The following FSIP2 variants were observed in gnomAD, a reference collection of about 807,000 sequenced individuals.
The protein encoded by FSIP2 is fibrous sheath interacting protein 2.
Under a neutral mutation model 510.5 loss-of-function variants are expected in FSIP2, and 367 were observed. The ratio of observed to expected loss-of-function variants is 0.72; its 90% CI spans 0.66 to 0.78. FSIP2 has a LOEUF of 0.78. FSIP2 is among the 30% of genes least tolerant of loss of function. The pLI is 0.00. For synonymous variants in FSIP2, 2,601 were observed against 2,732.2 expected (o/e 0.95, Z 1.50); for missense variants, 7,594 against 7,901.7 (o/e 0.96, Z 1.48).
chr2:185,832,991 C>A, intron 22 of FSIP2, 99 bp from the exon 23 acceptor site: 1 of 967,050 alleles, frequency 1.0e-6, no homozygotes, highest in Non-Finnish European at 1.6e-6. Context: ...GACCCTATTA[C>A]CAGCTGGGCC....
intron 13 of FSIP2, among the ~76,000 whole-genome samples, chr2:185,770,821 T>C (rs554911138): frequency 6.6e-6 from 1 of 152,318 alleles, no homozygotes; most frequent in African/African-American, 2.4e-5. Context: ...TGAGACTTAA[T>C]GTATATTGCC....
chr2:185,746,190 G>T (rs1692029023), intron 5 of FSIP2, among the ~76,000 whole-genome samples: 1 of 151,952 alleles, frequency 6.6e-6, no homozygotes. Flanking sequence ...ACATATTGAT[G>T]TACCAGAGAT....
chr2:185,739,113 C>T (rs1691865279), intron 1 of FSIP2, 120 bp downstream of exon 1: 21 of 1,327,048 alleles, frequency 1.6e-5, no homozygotes, highest in Non-Finnish European at 2.0e-5. Context: ...CAGGAGGCTG[C>T]CCTCTTGCGG....
intron 8 of FSIP2, among the ~76,000 whole-genome samples, chr2:185,754,214 A>T (rs1399890321): frequency 6.6e-6 from 1 of 151,430 alleles, no homozygotes; most frequent in Non-Finnish European, 1.5e-5. Context: ...AGAATTAGGA[A>T]AAAAAAGAAG....
rs1384827584 is a variant in FSIP2, at chr2:185,796,427, A to G, written c.9291A>G (p.Leu3097=). ...SDMLAVIKNK[L]DNEISQMEPS... ...TGCTTGCTGTAATTAAGAACAAGCT[A>G]GACAACGAAATAAGCCAAATGGAAC... The change falls in exon 16 of 23, where the codon CTA becomes CTG. Residue 3097 remains leucine (L), a synonymous_variant. Transcript: ENST00000424728. 1.3e-6 allele frequency: 2 copies of G among 1,534,628 alleles called. No individual in the cohort carries two copies. Among genetic ancestry groups the G allele is most frequent in the Non-Finnish European group, 1.7e-6 (2 of 1,145,994 alleles).
At position 185,802,259 on chromosome 2, in the gene FSIP2, C is replaced by T; in HGVS notation, c.12953C>T (p.Ser4318Leu). Residue 4318 changes from serine to leucine, a missense_variant, in exon 17 of 23, where the codon TCA (serine) becomes TTA (leucine). Transcript: ENST00000424728. ...FVREIVARLL[S>L]KIFSPKHNTE... is the part of the protein sequence containing the mutation. ...AGGGAGATTGTTGCCAGACTTTTGT[C>T]AAAGATTTTCAGCCCAAAGCATAAC... 6.5e-7 allele frequency: 1 copy of T among 1,533,646 alleles called. No individual in the cohort carries two copies. Among genetic ancestry groups the T allele is most frequent in the Non-Finnish European group, 8.7e-7 (1 of 1,145,256 alleles).
intron 7 of FSIP2, among the ~76,000 whole-genome samples, chr2:185,752,329 G>A (rs1692165335): frequency 1.3e-5 from 2 of 150,282 alleles, no homozygotes; most frequent in Non-Finnish European, 3.0e-5. Flanking sequence ...TATGTAACAT[G>A]ATTTGTTTTT....
chr2:185,761,821 A>G (rs1334640501), intron 10 of FSIP2, 151 bp from the exon 11 acceptor site: 1 of 464,978 alleles, frequency 2.2e-6, no homozygotes, highest in Admixed American at 3.7e-5. Context: ...TAGGAGGTTG[A>G]TGATATGTAT....
At chr2:185,759,151 C>G (rs1208537549) in intron 9 of FSIP2, among the ~76,000 whole-genome samples, 1 of 150,848 alleles carries the variant, frequency 6.6e-6, no homozygotes, top group East Asian at 1.9e-4. Context: ...AGGATATCAG[C>G]TCTAGATATT....
At chr2:185,765,479 C>A (rs1692451559) in intron 13 of FSIP2, 1 of 151,788 alleles carries the variant, frequency 6.6e-6, no homozygotes, top group South Asian at 2.1e-4. Context: ...TTTCTGAGGG[C>A]TCTGTTCTGT....
intron 4 of FSIP2, chr2:185,745,170 G>T (rs907341900): frequency 5.8e-5 from 14 of 242,590 alleles, no homozygotes; most frequent in Non-Finnish European, 1.1e-4. Flanking sequence ...TCTGTGCCCA[G>T]TGTTTCTTCT....
rs577907183 is a variant in FSIP2, at chr2:185,805,153, G to A, written c.15847G>A (p.Asp5283Asn). 1.4e-4 allele frequency: 222 copies of A among 1,609,774 alleles called. 1 individual carries two copies. The South Asian group carries it at 2.4e-3, about 17-fold the overall frequency. ...SATFLEDIIIDLVHKFCSLLI... is the reference protein window; with the variant it reads ...SATFLEDIIINLVHKFCSLLI... ...TACATTTTTGGAAGACATAATCATTGACCTTGTTCACAAATTTTGTTCTCT... is the reference window on the plus strand; with the variant it reads ...TACATTTTTGGAAGACATAATCATTAACCTTGTTCACAAATTTTGTTCTCT... Residue 5283 changes from aspartate (D) to asparagine (N), a missense_variant, in exon 17 of 23, where the codon GAC becomes AAC. Coordinates refer to ENST00000424728, the MANE Select transcript of FSIP2 (RefSeq NM_173651.4).
chr2:185,768,797 C>T (rs765097181), intron 13 of FSIP2, among the ~76,000 whole-genome samples: 5 of 152,060 alleles, frequency 3.3e-5, no homozygotes, highest in East Asian at 3.9e-4. Flanking sequence ...AACCCTCTAC[C>T]ACAGTGTGGC....
At chr2:185,831,979 C>T in intron 22 of FSIP2, 97 bp downstream of exon 22, 1 of 731,368 alleles carries the variant, frequency 1.4e-6, no homozygotes. Context: ...AAATGAGTGG[C>T]TCTCCCCTTG....
intron 16 of FSIP2, among the ~76,000 whole-genome samples, chr2:185,798,416 T>C (rs1693350451): frequency 6.6e-6 from 1 of 151,936 alleles, no homozygotes; most frequent in South Asian, 2.1e-4. Context: ...CATGTGTATA[T>C]ATTAGGTGAA....
rs79541984 is a variant in FSIP2 at position 185,827,421 on chromosome 2, A to G, written c.20474-735A>G. On this transcript the variant is annotated intron_variant, in intron 20 of 22. Transcript: ENST00000424728. Reference sequence around the variant, plus strand: ...GTCTCATTCCTATACTATGCATGAGAAAACAGAGTCAGAGAAGTTAGATGT... The same window carrying G: ...GTCTCATTCCTATACTATGCATGAGGAAACAGAGTCAGAGAAGTTAGATGT... Among the ~76,000 whole-genome samples, 8 of 151,958 alleles carry G rather than the reference A, an allele frequency of 5.3e-5. No individual in the cohort carries two copies. The East Asian group carries it at 1.6e-3, about 30-fold the overall frequency.
chr2:185,813,595 G>C lies in FSIP2; in HGVS notation c.19878G>C (p.Lys6626Asn). The change falls in exon 18 of 23, where the codon AAG becomes AAC. Residue 6626 changes from lysine to asparagine, a missense_variant. Physicochemically the swap from Lys to Asn is moderately conservative, Grantham distance 94. Coordinates refer to ENST00000424728, the MANE Select transcript of FSIP2 (RefSeq NM_173651.4). ...ATATAAGAAAGCCTGATATTACAAA[G>C]GTGGAGCTCTTAAAAGATGTTCAAA... ...FQNIRKPDITKVELLKDVQSK... is the reference protein window; with the variant it reads ...FQNIRKPDITNVELLKDVQSK... 2 of 1,571,492 alleles carry C rather than the reference G, an allele frequency of 1.3e-6. No homozygotes were observed. Among genetic ancestry groups the C allele is most frequent in the South Asian group, 2.4e-5 (2 of 84,080 alleles).
chr2:185,792,780 G>A lies in FSIP2; in HGVS notation c.5644G>A (p.Glu1882Lys), dbSNP rs1185207940. The change falls in exon 16 of 23, where the codon GAA (glutamate) becomes AAA (lysine). Residue 1882 changes from glutamate (E) to lysine (K), a missense_variant. Transcript: ENST00000424728. The part of the protein sequence containing the change: ...ITFSANVSSH[E>K]HTYKGKSSVT... ...TTTTTCAGCAAATGTTTCTTCTCATGAACACACCTATAAAGGAAAGTCCTC... is the reference window on the plus strand; with the variant it reads ...TTTTTCAGCAAATGTTTCTTCTCATAAACACACCTATAAAGGAAAGTCCTC... 2.0e-6 allele frequency: 3 copies of A among 1,534,224 alleles called. No individual in the cohort carries two copies. In the Admixed American group the frequency reaches 5.9e-5, roughly 30 times the overall value.
chr2:185,786,733 A>G (rs537945091), intron 15 of FSIP2, among the ~76,000 whole-genome samples: 1 of 151,984 alleles, frequency 6.6e-6, no homozygotes, highest in South Asian at 2.1e-4. Flanking sequence ...GACTTGGAAC[A>G]GGCAAAGATA....
Sources: gnomAD v4.1 joint callset for allele counts (sites outside exome capture counted in the v4.1 genomes callset) on GRCh38, gnomAD v4.1.1 for gene constraint, MANE v1.5 for transcripts, NCBI Gene and HGNC (gene_info 2026-07-23, HGNC 2026-07-21) for gene names.